The following CTTNBP2 variants were observed in gnomAD, a reference collection of about 807,000 sequenced individuals.
CTTNBP2 encodes the protein cortactin binding protein 2, also known as cortactin-binding protein 2.
Under a neutral mutation model 156.9 loss-of-function variants are expected in CTTNBP2, and 108 were observed. The ratio of observed to expected loss-of-function variants is 0.69; its 90% CI spans 0.59 to 0.81. The LOEUF is 0.81. CTTNBP2 is among the 30% of genes least tolerant of loss of function. CTTNBP2 has a pLI of 0.00. For missense variants in CTTNBP2, 1,924 were observed against 2,035.4 expected, an observed-to-expected ratio of 0.95 and a Z score of 1.05; for synonymous variants, 767 against 751.8, an observed-to-expected ratio of 1.02 and a Z score of -0.33.
chr7:117,786,929 C>T (rs1213977636), intron 4 of CTTNBP2, among the ~76,000 whole-genome samples: 4 of 152,004 alleles, frequency 2.6e-5, no homozygotes, highest in Non-Finnish European at 4.4e-5. Flanking sequence ...CACAGAACTA[C>T]AGAAGATATA....
intron 22 of CTTNBP2, among the ~76,000 whole-genome samples, chr7:117,715,564 T>C (rs1461191308): frequency 6.6e-6 from 1 of 152,098 alleles, no homozygotes; most frequent in Non-Finnish European, 1.5e-5. Flanking sequence ...AGTTTGGATT[T>C]ACATAAAAGG....
intron 2 of CTTNBP2, among the ~76,000 whole-genome samples, chr7:117,812,924 C>T (rs938110746): frequency 2.0e-5 from 3 of 152,124 alleles, no homozygotes; most frequent in African/African-American, 4.8e-5. Flanking sequence ...CGGCAGCTTC[C>T]TTCATCAGCT....
intron 8 of CTTNBP2, among the ~76,000 whole-genome samples, chr7:117,768,359 C>T (rs1396501219): frequency 1.3e-5 from 2 of 151,732 alleles, no homozygotes; most frequent in Non-Finnish European, 2.9e-5. Context: ...GTCAGGAGTT[C>T]CAGACCAGCC....
At chr7:117,848,065 C>G (rs1321870651) in intron 2 of CTTNBP2, among the ~76,000 whole-genome samples, 1 of 152,036 alleles carries the variant, frequency 6.6e-6, no homozygotes, top group Admixed American at 6.6e-5. Flanking sequence ...GATCCACCCA[C>G]CTCGGCCTCC....
At chr7:117,870,190 T>G (rs1227556683) in intron 1 of CTTNBP2, among the ~76,000 whole-genome samples, 1 of 152,230 alleles carries the variant, frequency 6.6e-6, no homozygotes, top group African/African-American at 2.4e-5. Context: ...TCAGTTTCTA[T>G]CACTGGAATG....
chr7:117,762,341 A>G (rs780150339), intron 9 of CTTNBP2, among the ~76,000 whole-genome samples: 9 of 152,310 alleles, frequency 5.9e-5, no homozygotes, highest in Non-Finnish European at 1.2e-4. Flanking sequence ...CAACTACATG[A>G]GAAAATCTGT....
In CTTNBP2 at chr7:117,760,426, T is replaced by G. The variant is rs1378071071; in HGVS notation, c.3172+9A>C. 6.2e-7 allele frequency: 1 copy of G among 1,610,836 alleles called. No homozygotes were observed. Among genetic ancestry groups the G allele is most frequent in the Non-Finnish European group, 8.5e-7 (1 of 1,177,276 alleles). On this transcript the variant is annotated intron_variant, in intron 10 of 22. Transcript: ENST00000160373. ...TTTCACTTTCTCTCCGTCATAGGAC[T>G]GCTGATACCTAGCGTGATGGATCGT...
At chr7:117,766,992 T>TCCCATTGTA (rs1422270081) in intron 9 of CTTNBP2, 67 bp downstream of exon 9, 10 of 891,134 alleles carry the variant, frequency 1.1e-5, no homozygotes, top group African/African-American at 6.6e-5. Context: ...AAATAGTTTT[T>TCCCATTGTA]CCCATTGTAC....
At chr7:117,862,865 T>C (rs934154618) in intron 1 of CTTNBP2, among the ~76,000 whole-genome samples, 1 of 152,238 alleles carries the variant, frequency 6.6e-6, no homozygotes, top group Non-Finnish European at 1.5e-5. Flanking sequence ...ATGCAGATCA[T>C]GCAACTAACC....
chr7:117,768,110 CA>C (rs1203319695), intron 8 of CTTNBP2, among the ~76,000 whole-genome samples: 30 of 152,118 alleles, frequency 2.0e-4, no homozygotes, highest in Non-Finnish European at 2.8e-4. Flanking sequence ...CACACACACA[CA>C]CACACCCACT....
intron 2 of CTTNBP2, among the ~76,000 whole-genome samples, chr7:117,817,764 T>G (rs966047535): frequency 6.6e-6 from 1 of 152,128 alleles, no homozygotes. Context: ...AAAAAAACTT[T>G]TATTGACATT....
intron 10 of CTTNBP2, among the ~76,000 whole-genome samples, chr7:117,759,711 C>A (rs1797083042): frequency 6.6e-6 from 1 of 152,164 alleles, no homozygotes; most frequent in Admixed American, 6.5e-5. Context: ...TGCTCTCAAG[C>A]AAGTCATCTT....
intron 2 of CTTNBP2, among the ~76,000 whole-genome samples, chr7:117,821,571 C>T (rs1800967980): frequency 6.7e-6 from 1 of 150,070 alleles, no homozygotes; most frequent in African/African-American, 2.4e-5. Context: ...ATTCAATTTG[C>T]TAATATTCTG....
In CTTNBP2 at chr7:117,835,237, CAG is replaced by C. The variant is rs1801856330; in HGVS notation, c.190-24250_190-24249del. On this transcript the variant is annotated intron_variant, in intron 2 of 22. Transcript: ENST00000160373. Reference sequence around the variant, plus strand: ...CCCTAAGGATGGCATGGTGAATTATCAGTGTGTCTTGTCCACATGAAAGATAT... The same window carrying C: ...CCCTAAGGATGGCATGGTGAATTATCTGTGTCTTGTCCACATGAAAGATAT... 2.0e-5 allele frequency among the ~76,000 whole-genome samples: 3 copies of C among 152,334 alleles called. No homozygotes were observed. The South Asian group carries it at 6.2e-4, about 32-fold the overall frequency.
chr7:117,838,691 T>A (rs997818040), intron 2 of CTTNBP2, among the ~76,000 whole-genome samples: 1 of 152,102 alleles, frequency 6.6e-6, no homozygotes, highest in Admixed American at 6.6e-5. Context: ...TTTTTTAATC[T>A]ATGAGGGGCA....
At position 117,746,025 on chromosome 7, in the gene CTTNBP2, T is replaced by G; in HGVS notation, c.3423A>C (p.Ala1141=). The stretch of plus-strand genomic sequence containing the variant: ...AAGTAATCAATACCTTCAGGCAGAG[T>G]GCAAGCTGATGTACTATGTAGTCTT... ...SLQDYIVHQL[A]LCLKHRQMAA... The change falls in exon 13 of 23, where the codon GCA becomes GCC. Residue 1141 remains alanine (A), a synonymous_variant. Transcript: ENST00000160373. 1.2e-6 allele frequency: 2 copies of G among 1,613,986 alleles called. No individual in the cohort carries two copies. The highest frequency in any genetic ancestry group is 1.7e-6 in the Non-Finnish European group (2 of 1,179,878).
intron 4 of CTTNBP2, among the ~76,000 whole-genome samples, chr7:117,786,856 T>C (rs1798728035): frequency 6.6e-6 from 1 of 152,178 alleles, no homozygotes; most frequent in Non-Finnish European, 1.5e-5. Flanking sequence ...TAATAAGTTA[T>C]CCGAAAGACA....
In CTTNBP2 at chr7:117,871,588, A is replaced by T. The variant is rs1051087527; in HGVS notation, c.81+1747T>A. 9 of 166,970 alleles carry T rather than the reference A, an allele frequency of 5.4e-5. No homozygotes were observed. The Admixed American group carries it at 5.9e-4, about 11-fold the overall frequency. 10.3% of individuals were successfully genotyped at this position (166,970 alleles called of 1,614,324 possible). A position where few individuals can be genotyped will look rare whatever the true frequency, so the allele number is the denominator to read the frequency against. On this transcript the variant is annotated intron_variant, in intron 1 of 22. Coordinates refer to ENST00000160373, the MANE Select transcript of CTTNBP2 (RefSeq NM_033427.3). ...TTTAAACAGAAGAGAGGGAACACTG[A>T]CCTTGTTAACACAGAAATCTGCCTG...
intron 8 of CTTNBP2, among the ~76,000 whole-genome samples, chr7:117,775,511 G>A (rs1798046826): frequency 6.6e-6 from 1 of 150,946 alleles, no homozygotes; most frequent in East Asian, 1.9e-4. Flanking sequence ...TGGGGAGTGG[G>A]TTCCTTTCTG....
Sources: allele counts gnomAD v4.1 joint callset (sites outside exome capture counted in the v4.1 genomes callset), GRCh38; gene constraint gnomAD v4.1.1; transcripts MANE v1.5; gene names NCBI Gene and HGNC (gene_info 2026-07-23, HGNC 2026-07-21).